Variants in ZNF407 observed in about 807,000 individuals in gnomAD.
ZNF407 encodes the protein zinc finger protein 407.
ZNF407 carries 17 observed loss-of-function variants against 131.2 expected under a neutral mutation model. The ratio of observed to expected loss-of-function variants is 0.13; its 90% CI spans 0.09 to 0.19. ZNF407 has a LOEUF of 0.19. ZNF407 is among the 10% of genes least tolerant of loss of function. The probability of loss-of-function intolerance (pLI) is 1.00; values close to 1 mark genes in which losing one functional copy is unlikely to be tolerated. For synonymous variants in ZNF407, 1,156 were observed against 1,062.0 expected (o/e 1.09, Z -1.72); for missense variants, 2,681 against 2,830.6 (o/e 0.95, Z 1.20).
intron 3 of ZNF407, among the ~76,000 whole-genome samples, chr18:74,689,770 G>A (rs1458188503): frequency 6.6e-6 from 1 of 152,194 alleles, no homozygotes; most frequent in African/African-American, 2.4e-5. Flanking sequence ...AAATCATTAT[G>A]TTGTTCTGAC....
chr18:75,029,009 G>A (rs1025953945), intron 8 of ZNF407, among the ~76,000 whole-genome samples: 2 of 152,220 alleles, frequency 1.3e-5, no homozygotes, highest in African/African-American at 4.8e-5. Context: ...TCTGCTGTAT[G>A]TTCAGGTGCC....
intron 3 of ZNF407, among the ~76,000 whole-genome samples, chr18:74,769,100 A>G (rs1337657265): frequency 1.3e-5 from 2 of 152,126 alleles, no homozygotes; most frequent in Admixed American, 1.3e-4. Flanking sequence ...ACCTCATCTC[A>G]TTTAATCTTC....
chr18:74,706,782 G>A (rs1042126023), intron 3 of ZNF407, among the ~76,000 whole-genome samples: 2 of 152,106 alleles, frequency 1.3e-5, no homozygotes, highest in Non-Finnish European at 2.9e-5. Context: ...ATAGAGGCAG[G>A]TGAGAGCTCA....
chr18:74,883,762 T>C (rs1273855560), intron 6 of ZNF407, among the ~76,000 whole-genome samples: 1 of 152,224 alleles, frequency 6.6e-6, no homozygotes, highest in Non-Finnish European at 1.5e-5. Flanking sequence ...GCCCTTCTGC[T>C]GTTCATCCTC....
At chr18:74,761,391 T>G (rs1353074725) in intron 3 of ZNF407, among the ~76,000 whole-genome samples, 1 of 152,134 alleles carries the variant, frequency 6.6e-6, no homozygotes. Context: ...CCATGAGATT[T>G]TAGCTTATAT....
chr18:74,933,347 G>A (rs1481444341), intron 8 of ZNF407, among the ~76,000 whole-genome samples: 1 of 152,150 alleles, frequency 6.6e-6, no homozygotes, highest in African/African-American at 2.4e-5. Flanking sequence ...CAGATGATGT[G>A]CCTAGAGTAG....
rs544066648 is a variant in ZNF407 at position 74,997,353 on chromosome 18, G to T, written c.5429-65797G>T. The stretch of plus-strand genomic sequence containing the variant: ...AGGGCTTCACAATTAGGGGCCTCTC[G>T]CAGCTCTGCAGTTAGCACCTGCCTG... On this transcript the variant is annotated intron_variant, in intron 8 of 8. Coordinates refer to ENST00000299687, the MANE Select transcript of ZNF407 (RefSeq NM_017757.3). 2.0e-5 allele frequency among the ~76,000 whole-genome samples: 3 copies of T among 152,260 alleles called. No homozygotes were observed. In the East Asian group the frequency reaches 5.8e-4, roughly 29 times the overall value.
At chr18:74,691,014 C>G (rs1967208461) in intron 3 of ZNF407, among the ~76,000 whole-genome samples, 1 of 152,322 alleles carries the variant, frequency 6.6e-6, no homozygotes, top group South Asian at 2.1e-4. Flanking sequence ...CGCAGTGGCT[C>G]ACGCCTGTAA....
At chr18:74,804,244 G>A in intron 4 of ZNF407, 1 of 1,221,440 alleles carries the variant, frequency 8.2e-7, no homozygotes. Context: ...TTTCTGGAAG[G>A]AACTGTTATT....
chr18:74,957,832 A>G (rs1599263493), intron 8 of ZNF407, among the ~76,000 whole-genome samples: 1 of 152,224 alleles, frequency 6.6e-6, no homozygotes, highest in African/African-American at 2.4e-5. Context: ...CCTCTGGCAT[A>G]TGCTGTGTAC....
chr18:74,868,736 C>T (rs1188323825), intron 4 of ZNF407, among the ~76,000 whole-genome samples: 2 of 152,138 alleles, frequency 1.3e-5, no homozygotes, highest in African/African-American at 4.8e-5. Flanking sequence ...TGAAGCCCCA[C>T]CTTAACAGTG....
At chr18:74,773,745 C>T (rs1418224873) in intron 3 of ZNF407, among the ~76,000 whole-genome samples, 5 of 152,170 alleles carry the variant, frequency 3.3e-5, no homozygotes, top group African/African-American at 1.2e-4. Context: ...ATTTACCAAA[C>T]GTGGCCATTA....
At chr18:74,738,348 A>ATACAAAAACTTAGCTG (rs1568190844) in intron 3 of ZNF407, among the ~76,000 whole-genome samples, 11 of 138,682 alleles carry the variant, frequency 7.9e-5, no homozygotes, top group African/African-American at 3.0e-4. Context: ...TGAACCCGGG[A>ATACAAAAACTTAGCTG]GGCGGAGGCT....
At chr18:75,026,851 C>T (rs1343023959) in intron 8 of ZNF407, among the ~76,000 whole-genome samples, 1 of 152,200 alleles carries the variant, frequency 6.6e-6, no homozygotes, top group African/African-American at 2.4e-5. Flanking sequence ...TCAAGTTGAG[C>T]TACAGTGGTT....
At chr18:74,927,101 G>A (rs565968381) in intron 8 of ZNF407, among the ~76,000 whole-genome samples, 2 of 152,146 alleles carry the variant, frequency 1.3e-5, no homozygotes, top group Non-Finnish European at 2.9e-5. Flanking sequence ...ACAAAGAATC[G>A]TAAATAGTAT....
intron 3 of ZNF407, among the ~76,000 whole-genome samples, chr18:74,656,463 G>A (rs1985463607): frequency 6.6e-6 from 1 of 152,114 alleles, no homozygotes; most frequent in South Asian, 2.1e-4. Flanking sequence ...TGCAATGTAA[G>A]TTTACAAAAG....
At chr18:74,607,615 C>G (rs1982867038) in intron 1 of ZNF407, among the ~76,000 whole-genome samples, 1 of 152,150 alleles carries the variant, frequency 6.6e-6, no homozygotes, top group Admixed American at 6.5e-5. Context: ...CCAGTCTTAG[C>G]AACGTTTTCT....
chr18:74,943,823 A>G (rs1047382705), intron 8 of ZNF407, among the ~76,000 whole-genome samples: 2 of 152,076 alleles, frequency 1.3e-5, no homozygotes, highest in Non-Finnish European at 2.9e-5. Context: ...ATAGCGTGGG[A>G]TTAGTGTTGA....
intron 3 of ZNF407, among the ~76,000 whole-genome samples, chr18:74,692,816 C>T (rs1343311384): frequency 6.6e-6 from 1 of 152,018 alleles, no homozygotes; most frequent in Non-Finnish European, 1.5e-5. Context: ...GGCCTCCACC[C>T]CTCCCCCAGA....
Sources: allele counts gnomAD v4.1 joint callset (sites outside exome capture counted in the v4.1 genomes callset), GRCh38; gene constraint gnomAD v4.1.1; transcripts MANE v1.5; gene names NCBI Gene and HGNC (gene_info 2026-07-23, HGNC 2026-07-21).